Variants in ATL1 observed in about 807,000 individuals in gnomAD.
ATL1 encodes the protein atlastin GTPase 1, also known as atlastin-1.
ATL1 carries 31 observed loss-of-function variants against 75.5 expected under a neutral mutation model. That is an observed-to-expected ratio of 0.41 (90% CI 0.31 to 0.55). The LOEUF (loss-of-function observed/expected upper bound fraction) is 0.55, where lower values mean the gene tolerates loss of function less well. Ranked by LOEUF, ATL1 falls within the 20% of genes least tolerant of loss-of-function variation. The pLI is 0.27. For synonymous variants in ATL1, 226 were observed against 233.3 expected (o/e 0.97, Z 0.28); for missense variants, 405 against 662.6 (o/e 0.61, Z 4.27).
intron 1 of ATL1, among the ~76,000 whole-genome samples, chr14:50,582,782 A>G (rs2039068864): frequency 6.6e-6 from 1 of 152,100 alleles, no homozygotes; most frequent in Non-Finnish European, 1.5e-5. Context: ...CCAAGGACAA[A>G]ATAAGAAAGG....
intron 6 of ATL1, among the ~76,000 whole-genome samples, chr14:50,608,121 G>C (rs2039331937): frequency 6.6e-6 from 1 of 152,078 alleles, no homozygotes; most frequent in South Asian, 2.1e-4. Flanking sequence ...ATTTAAAAAA[G>C]TGTTTGTGGC....
intron 1 of ATL1, among the ~76,000 whole-genome samples, chr14:50,586,285 A>G (rs1031800735): frequency 3.3e-5 from 5 of 152,208 alleles, no homozygotes; most frequent in African/African-American, 1.2e-4. Context: ...GGTGGCTTAA[A>G]CAACAAACAT....
intron 1 of ATL1, among the ~76,000 whole-genome samples, chr14:50,537,081 C>T (rs2038502799): frequency 6.6e-6 from 1 of 152,230 alleles, no homozygotes. Flanking sequence ...CTTCCCATCA[C>T]AGGCCAGGAG....
At chr14:50,619,097 AGCTG>A (rs2039442261) in intron 8 of ATL1, among the ~76,000 whole-genome samples, 1 of 148,332 alleles carries the variant, frequency 6.7e-6, no homozygotes, top group Non-Finnish European at 1.5e-5. Flanking sequence ...CTGTCGCCCA[AGCTG>A]GAGTGCAGTG....
intron 1 of ATL1, among the ~76,000 whole-genome samples, chr14:50,563,845 A>G (rs1184966268): frequency 6.6e-6 from 1 of 152,252 alleles, no homozygotes; most frequent in Admixed American, 6.5e-5. Flanking sequence ...TTAAGCATAT[A>G]AAAGTCAATT....
chr14:50,550,866 C>A (rs920469168), intron 1 of ATL1, among the ~76,000 whole-genome samples: 2 of 152,136 alleles, frequency 1.3e-5, no homozygotes, highest in African/African-American at 4.8e-5. Context: ...AGTGACACAA[C>A]TTATCAAAAC....
intron 1 of ATL1, among the ~76,000 whole-genome samples, chr14:50,563,160 G>C (rs982385984): frequency 6.6e-5 from 10 of 152,110 alleles, no homozygotes; most frequent in African/African-American, 2.4e-4. Flanking sequence ...TATTGCATTT[G>C]ATCTTCAACC....
chr14:50,605,653 C>A (rs1183647149), intron 6 of ATL1, among the ~76,000 whole-genome samples: 1 of 151,728 alleles, frequency 6.6e-6, no homozygotes, highest in Non-Finnish European at 1.5e-5. Context: ...TTTCTTGCCC[C>A]CTAAAGGCCA....
intron 1 of ATL1, among the ~76,000 whole-genome samples, chr14:50,569,819 G>C (rs538686448): frequency 6.6e-6 from 1 of 152,200 alleles, no homozygotes; most frequent in South Asian, 2.1e-4. Flanking sequence ...GCTGGATATA[G>C]GATTTTTAGT....
chr14:50,620,509 A>G, intron 8 of ATL1, 90 bp from the exon 9 acceptor site: 2 of 1,385,268 alleles, frequency 1.4e-6, no homozygotes, highest in Non-Finnish European at 1.0e-6. Context: ...ACTGGGGAGG[A>G]AATGGGGGAG....
At chr14:50,620,752 C>T (rs746874121) in intron 9 of ATL1, 26 bp downstream of exon 9, 16 of 1,610,544 alleles carry the variant, frequency 9.9e-6, no homozygotes, top group Admixed American at 1.7e-5. Flanking sequence ...CTAGAGCATT[C>T]GTGGGATAGA....
chr14:50,544,973 A>G lies in ATL1; in HGVS notation c.-140+11606A>G, dbSNP rs1045427304. On this transcript the variant is annotated intron_variant, in intron 1 of 13. Coordinates refer to the ATL1 transcript ENST00000441560. ...AAAAAAAAAAAAAAAGAAGCCAACT[A>G]TAATGTAACAGGTCCCTCACCAGAT... Among the ~76,000 whole-genome samples, 3 of 150,486 alleles carry G rather than the reference A, an allele frequency of 2.0e-5. No homozygotes were observed. In the East Asian group the frequency reaches 5.9e-4, roughly 29 times the overall value.
At chr14:50,623,114 T>A in intron 10 of ATL1, 63 bp from the exon 11 acceptor site, 1 of 1,383,382 alleles carries the variant, frequency 7.2e-7, no homozygotes, top group Non-Finnish European at 1.0e-6. Flanking sequence ...AAATGTGAAC[T>A]GCCTGTGGAA....
At chr14:50,560,661 G>A (rs2140174013) in intron 1 of ATL1, among the ~76,000 whole-genome samples, 1 of 152,366 alleles carries the variant, frequency 6.6e-6, no homozygotes. Context: ...GGGTGGGCAG[G>A]GGGCTGTTGT....
intron 1 of ATL1, among the ~76,000 whole-genome samples, chr14:50,544,936 CAAAAAAAAAAAA>C (rs35420627): frequency 1.7e-5 from 1 of 58,448 alleles, no homozygotes; most frequent in Non-Finnish European, 3.2e-5. Context: ...GACCCACTCT[CAAAAAAAAAAAA>C]AAAAAAAAAA....
chr14:50,589,827 T>A (rs1337650630), intron 2 of ATL1, among the ~76,000 whole-genome samples: 4 of 152,228 alleles, frequency 2.6e-5, no homozygotes, highest in Non-Finnish European at 2.9e-5. Flanking sequence ...AATTAGTTTA[T>A]GTAGATTTTT....
At chr14:50,598,290 T>C (rs1163414293) in intron 6 of ATL1, among the ~76,000 whole-genome samples, 1 of 152,214 alleles carries the variant, frequency 6.6e-6, no homozygotes, top group Non-Finnish European at 1.5e-5. Flanking sequence ...GATTTTTGTA[T>C]ATTTTCTACA....
At chr14:50,596,263 G>GT (rs1317337293) in intron 6 of ATL1, among the ~76,000 whole-genome samples, 1 of 151,932 alleles carries the variant, frequency 6.6e-6, no homozygotes, top group Non-Finnish European at 1.5e-5. Context: ...GACCCCAAGA[G>GT]TTTGAGTCCA....
chr14:50,619,910 G>T (rs2039450985), intron 8 of ATL1, among the ~76,000 whole-genome samples: 1 of 152,082 alleles, frequency 6.6e-6, no homozygotes, highest in Non-Finnish European at 1.5e-5. Context: ...TAAAAATCTG[G>T]TCTCTTCCCC....
Sources: gnomAD v4.1 joint callset for allele counts (sites outside exome capture counted in the v4.1 genomes callset) on GRCh38, gnomAD v4.1.1 for gene constraint, MANE v1.5 for transcripts, NCBI Gene and HGNC (gene_info 2026-07-23, HGNC 2026-07-21) for gene names.